Variants in DPYD observed in about 807,000 individuals in gnomAD.
The protein encoded by DPYD is dihydropyrimidine dehydrogenase [NADP(+)].
A neutral mutation model predicts 116.2 loss-of-function variants in DPYD; 109 were observed. That is an observed-to-expected ratio of 0.94 (90% CI 0.80 to 1.10). The LOEUF is 1.10. Ranked by LOEUF, DPYD falls within the 50% of genes least tolerant of loss-of-function variation. The pLI is 0.00. For synonymous variants in DPYD, 440 were observed against 432.0 expected (o/e 1.02, Z -0.23); for missense variants, 1,302 against 1,254.5 (o/e 1.04, Z -0.57).
intron 2 of DPYD, among the ~76,000 whole-genome samples, chr1:97,873,186 T>C (rs866282903): frequency 2.2e-4 from 33 of 152,066 alleles, no homozygotes; most frequent in South Asian, 1.0e-3. Context: ...CCATGACTTA[T>C]CACAGTGGCT....
chr1:97,554,929 C>T (rs985664794), intron 11 of DPYD, among the ~76,000 whole-genome samples: 99 of 152,116 alleles, frequency 6.5e-4, no homozygotes, highest in African/African-American at 2.3e-3. Flanking sequence ...TTCTCCTCTC[C>T]TCTCCAATTT....
intron 10 of DPYD, among the ~76,000 whole-genome samples, chr1:97,577,351 C>G (rs1475280918): frequency 6.6e-6 from 1 of 152,176 alleles, no homozygotes; most frequent in Non-Finnish European, 1.5e-5. Flanking sequence ...CCTGCTGACC[C>G]TCCACCCTGC....
At chr1:97,847,024 C>A (rs1320538876) in intron 2 of DPYD, among the ~76,000 whole-genome samples, 2 of 152,120 alleles carry the variant, frequency 1.3e-5, no homozygotes, top group African/African-American at 4.8e-5. Flanking sequence ...CCTTCAAATC[C>A]CACTTACACT....
chr1:97,655,308 C>T (rs1658842363), intron 8 of DPYD, among the ~76,000 whole-genome samples: 1 of 152,212 alleles, frequency 6.6e-6, no homozygotes, highest in Non-Finnish European at 1.5e-5. Flanking sequence ...AATTACTGCA[C>T]AGCTCACACA....
intron 2 of DPYD, among the ~76,000 whole-genome samples, chr1:97,846,621 C>A (rs576677428): frequency 3.3e-5 from 5 of 152,150 alleles, no homozygotes; most frequent in Non-Finnish European, 7.4e-5. Context: ...AAACCCCACA[C>A]ATCTGGTATT....
chr1:97,242,122 G>GTGTA (rs1553240404), intron 18 of DPYD, among the ~76,000 whole-genome samples: 2 of 71,590 alleles, frequency 2.8e-5, no homozygotes, highest in Non-Finnish European at 5.6e-5. Context: ...GTGTGTGCGT[G>GTGTA]TGTATATATA....
intron 13 of DPYD, among the ~76,000 whole-genome samples, chr1:97,488,129 T>C (rs1208229063): frequency 6.6e-6 from 1 of 152,108 alleles, no homozygotes; most frequent in Non-Finnish European, 1.5e-5. Context: ...AGGCAAAATC[T>C]TGGATGCATC....
At chr1:97,612,770 G>C (rs1656026299) in intron 8 of DPYD, among the ~76,000 whole-genome samples, 1 of 151,798 alleles carries the variant, frequency 6.6e-6, no homozygotes, top group Non-Finnish European at 1.5e-5. Flanking sequence ...ATAGCAGTTG[G>C]GCTTGTTTCT....
intron 15 of DPYD, among the ~76,000 whole-genome samples, chr1:97,380,620 T>C (rs1298779115): frequency 6.6e-6 from 1 of 152,228 alleles, no homozygotes; most frequent in Non-Finnish European, 1.5e-5. Context: ...AGGTTTAGTA[T>C]ACATCATCAT....
rs1661476725 is a variant in DPYD, at chr1:97,699,501, G to A, written c.530C>T (p.Pro177Leu). ...SIPQIRNPSLPPPEKMSEAYS... is the reference protein window; with the variant it reads ...SIPQIRNPSLLPPEKMSEAYS... ...GGCTTCAGACATTTTTTCTGGGGGA[G>A]GCAGCGAAGGATTTCTGATCTGTGG... Residue 177 changes from proline (P) to leucine (L), a missense_variant, in exon 6 of 23, where the codon CCT (proline) becomes CTT (leucine). Coordinates refer to ENST00000370192, the MANE Select transcript of DPYD (RefSeq NM_000110.4). 1.2e-6 allele frequency: 2 copies of A among 1,613,402 alleles called. No individual in the cohort carries two copies. Among genetic ancestry groups the A allele is most frequent in the Middle Eastern group, 3.3e-4 (2 of 6,060 alleles).
At chr1:97,818,399 C>T (rs1379219518) in intron 3 of DPYD, among the ~76,000 whole-genome samples, 1 of 151,864 alleles carries the variant, frequency 6.6e-6, no homozygotes, top group South Asian at 2.1e-4. Flanking sequence ...TACTGTTTCA[C>T]CAGATTTGTA....
intron 5 of DPYD, among the ~76,000 whole-genome samples, chr1:97,712,511 A>G (rs988190983): frequency 3.3e-5 from 5 of 152,082 alleles, no homozygotes; most frequent in Non-Finnish European, 7.4e-5. Context: ...TCATTAGGAT[A>G]AAGTCAGGTA....
chr1:97,222,973 A>G (rs1660872839), intron 19 of DPYD, among the ~76,000 whole-genome samples: 1 of 152,046 alleles, frequency 6.6e-6, no homozygotes, highest in African/African-American at 2.4e-5. Context: ...CACCTACCCA[A>G]TGAAAATTTG....
intron 2 of DPYD, among the ~76,000 whole-genome samples, chr1:97,872,907 A>G (rs1671730022): frequency 6.6e-6 from 1 of 151,838 alleles, no homozygotes; most frequent in South Asian, 2.1e-4. Context: ...TTCAATCAGT[A>G]TGCTCCCCCA....
chr1:97,595,414 A>G (rs1487952245), intron 8 of DPYD, among the ~76,000 whole-genome samples: 2 of 152,122 alleles, frequency 1.3e-5, no homozygotes, highest in Non-Finnish European at 2.9e-5. Context: ...AAATATATGG[A>G]AACATATGTA....
In DPYD at chr1:97,767,489, T is replaced by C. The variant is rs1056031626; in HGVS notation, c.234-27010A>G. On this transcript the variant is annotated intron_variant, in intron 3 of 22. Coordinates refer to ENST00000370192, the MANE Select transcript of DPYD (RefSeq NM_000110.4). Reference sequence around the variant, plus strand: ...AACCTCAGCCTCAAGAAACTCTGCATGTTCTGTTTCCTCTCTGGAACCCTG... The same window carrying C: ...AACCTCAGCCTCAAGAAACTCTGCACGTTCTGTTTCCTCTCTGGAACCCTG... 1.9e-4 allele frequency among the ~76,000 whole-genome samples: 12 copies of C among 64,544 alleles called. No homozygotes were observed. In the South Asian group the frequency reaches 2.0e-3, roughly 11 times the overall value. The allele number at this position is 64,544 out of a possible 152,430, so 42.3% of individuals were successfully genotyped here.
chr1:97,246,840 G>T, intron 18 of DPYD, among the ~76,000 whole-genome samples: 1 of 152,068 alleles, frequency 6.6e-6, no homozygotes, highest in East Asian at 1.9e-4. Context: ...GCTATTTATT[G>T]TTAATAAAAA....
At chr1:97,569,400 T>A (rs1047382466) in intron 11 of DPYD, among the ~76,000 whole-genome samples, 3 of 148,426 alleles carry the variant, frequency 2.0e-5, no homozygotes, top group Non-Finnish European at 4.5e-5. Flanking sequence ...ATATATATAT[T>A]TATATCATAT....
chr1:97,698,754 A>C (rs1424474059), intron 6 of DPYD, among the ~76,000 whole-genome samples: 1 of 151,936 alleles, frequency 6.6e-6, no homozygotes, highest in African/African-American at 2.4e-5. Context: ...CTTTATGATA[A>C]TGAAATATGT....
Sources: gnomAD v4.1 joint callset for allele counts (sites outside exome capture counted in the v4.1 genomes callset) on GRCh38, gnomAD v4.1.1 for gene constraint, MANE v1.5 for transcripts, NCBI Gene and HGNC (gene_info 2026-07-23, HGNC 2026-07-21) for gene names.